Variants in MTOR observed in about 807,000 individuals in gnomAD.
MTOR encodes serine/threonine-protein kinase mTOR.
In MTOR, 70 loss-of-function variants were observed where a neutral mutation model predicts 319.8. The ratio of observed to expected loss-of-function variants is 0.22; its 90% CI spans 0.18 to 0.27. The LOEUF (loss-of-function observed/expected upper bound fraction) is 0.27, where lower values mean the gene tolerates loss of function less well. Ranked by LOEUF, MTOR falls within the 10% of genes least tolerant of loss-of-function variation. MTOR has a pLI of 1.00. For synonymous variants in MTOR, 1,183 were observed against 1,211.4 expected (o/e 0.98, Z 0.49); for missense variants, 1,890 against 3,274.4 (o/e 0.58, Z 10.32).
At chr1:11,255,382 CA>C (rs56328160) in intron 5 of MTOR, among the ~76,000 whole-genome samples, 279 of 98,184 alleles carry the variant, frequency 2.8e-3, no homozygotes, top group African/African-American at 0.014. Context: ...ACTCCATCTC[CA>C]AAAAAAAAAA....
chr1:11,152,418 T>C (rs1007855182), intron 30 of MTOR: 2 of 150,724 alleles, frequency 1.3e-5, no homozygotes, highest in South Asian at 2.1e-4. Flanking sequence ...TCCCTGAAGA[T>C]TTAAAACAAA....
intron 28 of MTOR, among the ~76,000 whole-genome samples, chr1:11,192,775 CTCAAACACAA>C (rs1645595798): frequency 6.8e-6 from 1 of 146,528 alleles, no homozygotes; most frequent in Admixed American, 6.8e-5. Context: ...AAAAGGAAAA[CTCAAACACAA>C]GCAAACACAC....
chr1:11,256,424 A>G (rs1650410101), intron 4 of MTOR: 3 of 677,080 alleles, frequency 4.4e-6, no homozygotes, highest in Non-Finnish European at 3.6e-6. Flanking sequence ...GTTTGAACAT[A>G]AGTTCTGGAA....
Position 11,109,693 on chromosome 1 carries a change from T to C in MTOR, c.7403A>G (p.His2468Arg), listed in dbSNP as rs376373501. ...TGGCACTGTGGTCCCCGTTTTCTTA[T>C]GGGCTGGCTCTCCAAGTTCCACACC... ...LDGVELGEPAHKKTGTTVPES... is the reference protein window; with the variant it reads ...LDGVELGEPARKKTGTTVPES... The change falls in exon 55 of 58, where the codon CAT (histidine) becomes CGT (arginine). Residue 2468 changes from histidine (H) to arginine (R), a missense_variant. Physicochemically the swap from His to Arg is conservative, Grantham distance 29. Around this residue, in one of 15 missense-constraint regions of MTOR, gnomAD observed 49 missense variants for 67.6 expected, o/e 0.72. Coordinates refer to ENST00000361445, the MANE Select transcript of MTOR (RefSeq NM_004958.4). This position sits in a 1 kb window ranked among gnomAD's most constrained non-coding sequence, Gnocchi z 4.0. 1.4e-5 allele frequency: 23 copies of C among 1,614,162 alleles called. No homozygotes were observed. Among genetic ancestry groups the C allele is most frequent in the Non-Finnish European group, 1.9e-5 (23 of 1,180,016 alleles).
At chr1:11,247,546 A>T in intron 8 of MTOR, 79 bp downstream of exon 8, 1 of 1,268,828 alleles carries the variant, frequency 7.9e-7, no homozygotes, top group Non-Finnish European at 1.1e-6. Context: ...TCAAAGGAAA[A>T]GATATTTGGC....
chr1:11,196,285 C>T (rs1369302406), intron 28 of MTOR, among the ~76,000 whole-genome samples: 4 of 152,180 alleles, frequency 2.6e-5, no homozygotes, highest in African/African-American at 4.8e-5. Flanking sequence ...ATGCTCGGGG[C>T]TAACCAAGTA....
At chr1:11,222,802 T>C (rs973369833) in intron 19 of MTOR, among the ~76,000 whole-genome samples, 2 of 151,938 alleles carry the variant, frequency 1.3e-5, no homozygotes, top group African/African-American at 4.8e-5. Flanking sequence ...AAATCACCAT[T>C]TTGCAGTCCC....
intron 29 of MTOR, among the ~76,000 whole-genome samples, chr1:11,163,341 A>C (rs949119765): frequency 6.6e-6 from 1 of 152,176 alleles, no homozygotes; most frequent in African/African-American, 2.4e-5. Context: ...ATAATGGGAG[A>C]CTTTAACACC....
At position 11,238,462 on chromosome 1, in the gene MTOR, C is replaced by T. The variant is rs748207893; in HGVS notation, c.1942G>A (p.Ala648Thr). ...SGHAHVVSQT[A>T]VQVVADVLSK... is the part of the protein sequence containing the mutation. ...AGCACATCTGCCACCACTTGCACTGCGGTCTGGCTAACCACATGAGCATGG... is the reference window on the plus strand; with the variant it reads ...AGCACATCTGCCACCACTTGCACTGTGGTCTGGCTAACCACATGAGCATGG... The change falls in exon 12 of 58, where the codon GCA (alanine) becomes ACA (threonine). Residue 648 changes from alanine (A) to threonine (T), a missense_variant. By Grantham distance (58) the Ala-to-Thr change is moderately conservative. This residue lies in a region of MTOR where 418 missense variants were observed against 543.1 expected (regional missense o/e 0.77). Coordinates refer to ENST00000361445, the MANE Select transcript of MTOR (RefSeq NM_004958.4). 42 of 1,614,088 alleles carry T rather than the reference C, an allele frequency of 2.6e-5. No homozygotes were observed. The Admixed American group carries it at 4.5e-4, about 17-fold the overall frequency.
chr1:11,193,860 G>C, intron 28 of MTOR: 2 of 1,314,474 alleles, frequency 1.5e-6, no homozygotes, highest in Non-Finnish European at 2.1e-6. Context: ...TTCCTATTCT[G>C]ATTCAAGACA....
intron 26 of MTOR, among the ~76,000 whole-genome samples, chr1:11,201,574 C>T (rs935578061): frequency 5.9e-5 from 9 of 152,068 alleles, no homozygotes; most frequent in African/African-American, 1.9e-4. Flanking sequence ...ATTAAATCAC[C>T]ATTTTATGCC....
At chr1:11,249,944 A>G (rs910561459) in intron 6 of MTOR, among the ~76,000 whole-genome samples, 2 of 150,628 alleles carry the variant, frequency 1.3e-5, no homozygotes, top group East Asian at 4.0e-4. Context: ...CACACCTCCC[A>G]GACGGGGTGG....
At chr1:11,166,274 C>T (rs1231581100) in intron 29 of MTOR, among the ~76,000 whole-genome samples, 1 of 152,172 alleles carries the variant, frequency 6.6e-6, no homozygotes, top group African/African-American at 2.4e-5. Flanking sequence ...AGAGCTTCTG[C>T]ACAGCAAAAG....
At chr1:11,147,483 A>T (rs922795279) in intron 31 of MTOR, among the ~76,000 whole-genome samples, 1 of 152,214 alleles carries the variant, frequency 6.6e-6, no homozygotes, top group Non-Finnish European at 1.5e-5. Flanking sequence ...CCATCTGCAG[A>T]AAAGATATCA....
At chr1:11,167,112 G>A (rs925507315) in intron 29 of MTOR, among the ~76,000 whole-genome samples, 2 of 152,092 alleles carry the variant, frequency 1.3e-5, no homozygotes, top group Non-Finnish European at 2.9e-5. Context: ...TGGGGAGCGG[G>A]GAGGGATAGC....
rs113055615 is a variant in MTOR, at chr1:11,122,204, G to A, written c.6663-78C>T. Reference sequence around the variant, plus strand: ...GAGCAGCTCAGAACACAGGCAGACTGTTTTTTTTTTCTTTTTTGAGACAGA... The same window carrying A: ...GAGCAGCTCAGAACACAGGCAGACTATTTTTTTTTTCTTTTTTGAGACAGA... On this transcript the variant is annotated intron_variant, in intron 47 of 57. Coordinates refer to ENST00000361445, the MANE Select transcript of MTOR (RefSeq NM_004958.4). 70,827 of 1,374,770 alleles carry A rather than the reference G, an allele frequency of 0.052. 3,618 individuals are homozygous for A. The highest frequency in any genetic ancestry group is 0.2 in the African/African-American group (13,896 of 68,970). 85.2% of individuals were successfully genotyped at this position (1,374,770 alleles called of 1,614,324 possible).
intron 28 of MTOR, chr1:11,192,261 C>A: frequency 6.2e-7 from 1 of 1,605,060 alleles, no homozygotes; most frequent in South Asian, 1.1e-5. Context: ...GTGGTTTGTT[C>A]TCTTGTAGAT....
chr1:11,133,306 T>G lies in MTOR; in HGVS notation c.5247-109A>C, dbSNP rs184621456. 187 of 973,620 alleles carry G rather than the reference T, an allele frequency of 1.9e-4. 1 individual carries two copies. The African/African-American group carries it at 2.9e-3, about 15-fold the overall frequency. The allele number at this position is 973,620 out of a possible 1,614,324, so 60.3% of individuals were successfully genotyped here. ...GAAGCCCTTCTGGTATTTCCTCTTA[T>G]TCTCAAGAGGCAATGTGAAGGAGCT... On this transcript the variant is annotated intron_variant, in intron 37 of 57. Coordinates refer to ENST00000361445, the MANE Select transcript of MTOR (RefSeq NM_004958.4). This position sits in a 1 kb window ranked among gnomAD's most constrained non-coding sequence, Gnocchi z 4.0.
intron 36 of MTOR, among the ~76,000 whole-genome samples, chr1:11,136,352 T>C (rs1253011006): frequency 6.6e-6 from 1 of 152,156 alleles, no homozygotes; most frequent in Admixed American, 6.5e-5. Flanking sequence ...ACACAGATGT[T>C]CCAACACTTA....
Sources: allele counts gnomAD v4.1 joint callset (sites outside exome capture counted in the v4.1 genomes callset), GRCh38; gene constraint gnomAD v4.1.1; regional missense constraint gnomAD v4.1.1; non-coding constraint Gnocchi (gnomAD v3.1); transcripts MANE v1.5; gene names NCBI Gene and HGNC (gene_info 2026-07-23, HGNC 2026-07-21).